Variants in MECOM observed in about 807,000 individuals in gnomAD.
The protein encoded by MECOM is histone-lysine N-methyltransferase MECOM.
In MECOM, 13 loss-of-function variants were observed where a neutral mutation model predicts 116.3. The ratio of observed to expected loss-of-function variants is 0.11; its 90% CI spans 0.07 to 0.18. MECOM has a LOEUF of 0.18. Ranked by LOEUF, MECOM falls within the 10% of genes least tolerant of loss-of-function variation. The probability of loss-of-function intolerance (pLI) is 1.00; values close to 1 mark genes in which losing one functional copy is unlikely to be tolerated. For synonymous variants in MECOM, 528 were observed against 535.2 expected (o/e 0.99, Z 0.19); for missense variants, 1,299 against 1,509.0 (o/e 0.86, Z 2.31).
chr3:169,397,234 C>T (rs1176294679), intron 1 of MECOM, among the ~76,000 whole-genome samples: 1 of 152,090 alleles, frequency 6.6e-6, no homozygotes, highest in Non-Finnish European at 1.5e-5. Context: ...TAGTCATTGA[C>T]ATGGTACAAA....
intron 1 of MECOM, among the ~76,000 whole-genome samples, chr3:169,441,153 G>T (rs1023742540): frequency 6.6e-6 from 1 of 152,166 alleles, no homozygotes; most frequent in Non-Finnish European, 1.5e-5. Context: ...TGATGTGACA[G>T]CTCAGCCTGA....
At chr3:169,265,562 T>A (rs1325354486) in intron 2 of MECOM, among the ~76,000 whole-genome samples, 1 of 152,230 alleles carries the variant, frequency 6.6e-6, no homozygotes, top group Non-Finnish European at 1.5e-5. Flanking sequence ...ATCATAAGGT[T>A]CTTTTCAAGC....
chr3:169,449,493 A>T (rs544285163), intron 1 of MECOM, among the ~76,000 whole-genome samples: 1 of 152,316 alleles, frequency 6.6e-6, no homozygotes, highest in East Asian at 1.9e-4. Flanking sequence ...ATTTATCATC[A>T]GCTCAGGATA....
intron 1 of MECOM, among the ~76,000 whole-genome samples, chr3:169,636,768 TG>T (rs1772816580): frequency 6.6e-6 from 1 of 152,332 alleles, no homozygotes; most frequent in South Asian, 2.1e-4. Flanking sequence ...ATTCCCGAAT[TG>T]GGACATCCGT....
At chr3:169,596,085 A>G (rs1560475032) in intron 1 of MECOM, among the ~76,000 whole-genome samples, 1 of 152,224 alleles carries the variant, frequency 6.6e-6, no homozygotes, top group Non-Finnish European at 1.5e-5. Flanking sequence ...TCCTAACTGA[A>G]TAATTGGATG....
chr3:169,261,202 T>A (rs960151918), intron 2 of MECOM, among the ~76,000 whole-genome samples: 2 of 152,150 alleles, frequency 1.3e-5, no homozygotes, highest in African/African-American at 4.8e-5. Context: ...AAACTGATAT[T>A]CTAAAAGATA....
chr3:169,494,912 G>T (rs901884192), intron 1 of MECOM, among the ~76,000 whole-genome samples: 1 of 152,198 alleles, frequency 6.6e-6, no homozygotes, highest in South Asian at 2.1e-4. Context: ...GAATGGAAGA[G>T]AGTCAATAAA....
chr3:169,185,355 A>T (rs1460803937), intron 2 of MECOM, among the ~76,000 whole-genome samples: 10 of 152,160 alleles, frequency 6.6e-5, no homozygotes, highest in Non-Finnish European at 2.9e-5. Flanking sequence ...GCCAGAGAGG[A>T]CATAGAGTCC....
rs1183676164 is a variant in MECOM at position 169,211,944 on chromosome 3, AG to A, written c.376-68113del. On this transcript the variant is annotated intron_variant, in intron 2 of 16. Coordinates refer to ENST00000651503, the MANE Select transcript of MECOM (RefSeq NM_004991.4). ...CTCCTCACCAACACACTCTTTTCTC[AG>A]TTGCCTCTATCCCCAAAATGGCTCC... is the stretch of plus-strand genomic sequence containing the variant. Among the ~76,000 whole-genome samples the A allele has an allele frequency of 2.0e-5, 3 of 152,146 alleles. No homozygotes were observed. The South Asian group carries it at 6.2e-4, about 32-fold the overall frequency.
intron 1 of MECOM, chr3:169,566,178 C>T (rs1763221318): frequency 4.3e-6 from 1 of 233,870 alleles, no homozygotes; most frequent in Non-Finnish European, 8.7e-6. Context: ...AACCACCTCC[C>T]ACCAGGCTCC....
intron 5 of MECOM, among the ~76,000 whole-genome samples, chr3:169,123,303 A>ATG (rs34615103): frequency 0.15 from 22,184 of 147,424 alleles, 2,171 homozygotes; most frequent in African/African-American, 0.28. Flanking sequence ...ATATGCATGG[A>ATG]TGTGTGTGTG....
At chr3:169,650,988 A>G (rs1209710770) in intron 1 of MECOM, among the ~76,000 whole-genome samples, 1 of 152,128 alleles carries the variant, frequency 6.6e-6, no homozygotes, top group Admixed American at 6.5e-5. Flanking sequence ...AAAAAGAAAA[A>G]GCCCTTTATT....
In MECOM at chr3:169,275,585, T is replaced by C. The variant is rs139019184; in HGVS notation, c.375+105602A>G. ...ATGATACGCAAATGGCAATTTAAAA[T>C]ACACTATTTAATTTCACTCTCTTCT... On this transcript the variant is annotated intron_variant, in intron 2 of 16. Coordinates refer to ENST00000651503, the MANE Select transcript of MECOM (RefSeq NM_004991.4). Among the ~76,000 whole-genome samples, 267 of 152,348 alleles carry C rather than the reference T, an allele frequency of 1.8e-3. 1 individual carries two copies. The highest frequency in any genetic ancestry group is 6.0e-3 in the African/African-American group (249 of 41,572).
intron 2 of MECOM, among the ~76,000 whole-genome samples, chr3:169,153,356 T>G (rs1019293443): frequency 2.0e-5 from 3 of 152,158 alleles, no homozygotes; most frequent in Admixed American, 6.5e-5. Context: ...GACAACTGGT[T>G]GTTTTATATC....
chr3:169,660,857 C>T (rs1776191318), intron 1 of MECOM, among the ~76,000 whole-genome samples: 1 of 152,174 alleles, frequency 6.6e-6, no homozygotes, highest in African/African-American at 2.4e-5. Flanking sequence ...AGAATTGCAA[C>T]GCAGCGCTTC....
At chr3:169,372,557 A>C (rs560527297) in intron 2 of MECOM, among the ~76,000 whole-genome samples, 1 of 152,152 alleles carries the variant, frequency 6.6e-6, no homozygotes, top group South Asian at 2.1e-4. Context: ...TAGACCATCC[A>C]GAGATAACTG....
intron 2 of MECOM, among the ~76,000 whole-genome samples, chr3:169,197,659 A>G (rs941749790): frequency 6.6e-6 from 1 of 152,032 alleles, no homozygotes; most frequent in African/African-American, 2.4e-5. Flanking sequence ...GCTCCTGTGA[A>G]TGATCTACAG....
chr3:169,302,801 T>C (rs1716985190), intron 2 of MECOM, among the ~76,000 whole-genome samples: 1 of 151,878 alleles, frequency 6.6e-6, no homozygotes. Flanking sequence ...GAGACAGAGA[T>C]TGCAATGAGC....
chr3:169,111,612 T>C (rs1177753471), intron 9 of MECOM, among the ~76,000 whole-genome samples: 1 of 152,116 alleles, frequency 6.6e-6, no homozygotes, highest in African/African-American at 2.4e-5. Flanking sequence ...AATCTTCCTA[T>C]ATAAAATTAA....
Sources: gnomAD v4.1 joint callset for allele counts (sites outside exome capture counted in the v4.1 genomes callset) on GRCh38, gnomAD v4.1.1 for gene constraint, MANE v1.5 for transcripts, NCBI Gene and HGNC (gene_info 2026-07-23, HGNC 2026-07-21) for gene names.